The following ATP8B4 variants were observed in gnomAD, a reference collection of about 807,000 sequenced individuals.
ATP8B4 encodes probable phospholipid-transporting ATPase IM.
In ATP8B4, 133 loss-of-function variants were observed where a neutral mutation model predicts 145.6. The ratio of observed to expected loss-of-function variants is 0.91; its 90% confidence interval spans 0.79 to 1.05. ATP8B4 has a LOEUF of 1.05. ATP8B4 is among the 50% of genes least tolerant of loss of function. ATP8B4 has a pLI of 0.00. For synonymous variants in ATP8B4, 507 were observed against 492.9 expected (o/e 1.03, Z -0.38); for missense variants, 1,458 against 1,425.2 (o/e 1.02, Z -0.37).
chr15:50,152,301 A>G (rs1482585463), intron 1 of ATP8B4, among the ~76,000 whole-genome samples: 1 of 152,216 alleles, frequency 6.6e-6, no homozygotes, highest in Non-Finnish European at 1.5e-5. Flanking sequence ...ATCTGATGGA[A>G]GTGGATTACA....
intron 14 of ATP8B4, among the ~76,000 whole-genome samples, chr15:49,946,158 T>A (rs1422424499): frequency 1.3e-5 from 2 of 152,100 alleles, no homozygotes; most frequent in East Asian, 3.8e-4. Context: ...AGACAAAAAA[T>A]TTTAAAAAGT....
At chr15:50,160,585 T>C (rs181603191) in intron 1 of ATP8B4, among the ~76,000 whole-genome samples, 1 of 152,206 alleles carries the variant, frequency 6.6e-6, no homozygotes, top group African/African-American at 2.4e-5. Flanking sequence ...GTTTCCATTA[T>C]TTGTTTCAAG....
intron 23 of ATP8B4, chr15:49,897,035 A>C: frequency 2.7e-6 from 1 of 376,836 alleles, no homozygotes; most frequent in East Asian, 4.2e-5. Flanking sequence ...CAAAAACTAA[A>C]GTATGCATGG....
intron 1 of ATP8B4, among the ~76,000 whole-genome samples, chr15:50,159,223 T>C (rs2044479072): frequency 6.6e-6 from 1 of 152,220 alleles, no homozygotes. Context: ...TTTACTTCTT[T>C]GGTTAATTCT....
intron 14 of ATP8B4, among the ~76,000 whole-genome samples, chr15:49,953,068 A>C (rs1393665595): frequency 6.6e-6 from 1 of 152,100 alleles, no homozygotes; most frequent in Non-Finnish European, 1.5e-5. Flanking sequence ...GAGAGCAGCA[A>C]AAATGGGTGC....
intron 6 of ATP8B4, among the ~76,000 whole-genome samples, chr15:50,015,477 C>T (rs945731342): frequency 3.9e-5 from 6 of 152,188 alleles, no homozygotes; most frequent in Admixed American, 3.9e-4. Context: ...GCTCTTAATA[C>T]ATCTATATTT....
At chr15:49,867,036 A>G (rs2032910903) in intron 25 of ATP8B4, among the ~76,000 whole-genome samples, 1 of 152,212 alleles carries the variant, frequency 6.6e-6, no homozygotes, top group Non-Finnish European at 1.5e-5. Flanking sequence ...TAAAATTCAG[A>G]AACTGGGATT....
intron 1 of ATP8B4, among the ~76,000 whole-genome samples, chr15:50,157,406 T>G (rs983881828): frequency 1.7e-4 from 26 of 152,322 alleles, no homozygotes; most frequent in African/African-American, 6.0e-4. Flanking sequence ...ACACCAGATC[T>G]AAGAATCATC....
chr15:50,134,348 A>C (rs1372718014), intron 1 of ATP8B4, among the ~76,000 whole-genome samples: 2 of 152,212 alleles, frequency 1.3e-5, no homozygotes, highest in Non-Finnish European at 2.9e-5. Flanking sequence ...TTGCAATGGG[A>C]AAGAAAGGCA....
chr15:50,012,142 G>C (rs2048760258), intron 6 of ATP8B4, among the ~76,000 whole-genome samples: 1 of 152,066 alleles, frequency 6.6e-6, no homozygotes, highest in Admixed American at 6.6e-5. Context: ...TAACTAGTTT[G>C]ACAACAATAG....
chr15:49,951,566 C>T (rs1055129174), intron 14 of ATP8B4, among the ~76,000 whole-genome samples: 3 of 152,054 alleles, frequency 2.0e-5, no homozygotes, highest in African/African-American at 7.2e-5. Flanking sequence ...TTCCTCCATC[C>T]CTGTATTTGG....
In ATP8B4 at chr15:49,860,469, G is replaced by T. The variant is rs749661483; in HGVS notation, c.3304C>A (p.Arg1102=). Residue 1102 remains arginine (R), a synonymous_variant, in exon 28 of 28, where the codon CGG becomes AGG. Transcript: ENST00000284509. ...GCCTTCTTTTGAGCCTTCTGCCACC[G>T]GCGGATCTGGAGAGAAACAGACCCA... ...LYPTLSDQIR[R]WQKAQKKARP... is the part of the protein sequence containing the mutation. 1.2e-6 allele frequency: 2 copies of T among 1,608,812 alleles called. No individual in the cohort carries two copies. Among genetic ancestry groups the T allele is most frequent in the Admixed American group, 1.7e-5 (1 of 59,268 alleles).
chr15:49,949,826 T>C (rs958913711), intron 14 of ATP8B4, among the ~76,000 whole-genome samples: 3 of 152,218 alleles, frequency 2.0e-5, no homozygotes, highest in African/African-American at 7.2e-5. Flanking sequence ...TATTTTGAGA[T>C]ATGTCCCATC....
intron 6 of ATP8B4, among the ~76,000 whole-genome samples, chr15:50,020,888 T>C (rs566059226): frequency 4.6e-5 from 7 of 152,330 alleles, no homozygotes; most frequent in African/African-American, 1.7e-4. Flanking sequence ...TCCTTATATG[T>C]TCAAGATAAA....
intron 1 of ATP8B4, among the ~76,000 whole-genome samples, chr15:50,141,561 C>G (rs144181811): frequency 3.7e-4 from 57 of 152,258 alleles, no homozygotes; most frequent in African/African-American, 1.4e-3. Context: ...AGGACAAAAT[C>G]TTTCCCCTCA....
intron 23 of ATP8B4, chr15:49,896,031 C>G (rs902921408): frequency 6.6e-6 from 1 of 152,170 alleles, no homozygotes; most frequent in African/African-American, 2.4e-5. Context: ...AATCAACAGA[C>G]TAGGAAGCCA....
chr15:49,901,341 T>C lies in ATP8B4; in HGVS notation c.2142-102A>G, dbSNP rs140361835. On this transcript the variant is annotated intron_variant, in intron 20 of 27. Coordinates refer to ENST00000284509, the MANE Select transcript of ATP8B4 (RefSeq NM_024837.4). ...TAGAGGTAAATTTATTTCACCACTA[T>C]TCAGAGAGAATATGGCATAAGACCC... 175 of 1,248,286 alleles carry C rather than the reference T, an allele frequency of 1.4e-4. 1 individual carries two copies. In the African/African-American group the frequency reaches 2.2e-3, roughly 16 times the overall value. 77.3% of individuals were successfully genotyped at this position (1,248,286 alleles called of 1,614,324 possible).
intron 23 of ATP8B4, among the ~76,000 whole-genome samples, chr15:49,881,534 C>T (rs2035417491): frequency 6.6e-6 from 1 of 152,140 alleles, no homozygotes; most frequent in African/African-American, 2.4e-5. Context: ...CAGCTGCAGC[C>T]ACGTGAAGGA....
At chr15:49,971,867 T>C (rs888016354) in intron 13 of ATP8B4, among the ~76,000 whole-genome samples, 5 of 152,116 alleles carry the variant, frequency 3.3e-5, no homozygotes, top group African/African-American at 9.7e-5. Context: ...ACTTGGAACC[T>C]ACCCAAATGC....
Sources: allele counts gnomAD v4.1 joint callset (sites outside exome capture counted in the v4.1 genomes callset), GRCh38; gene constraint gnomAD v4.1.1; transcripts MANE v1.5; gene names NCBI Gene and HGNC (gene_info 2026-07-23, HGNC 2026-07-21).